The following PTPRE variants were observed in gnomAD, a reference collection of about 807,000 sequenced individuals.
The protein encoded by PTPRE is receptor-type tyrosine-protein phosphatase epsilon.
A neutral mutation model predicts 102.0 loss-of-function variants in PTPRE; 51 were observed. The observed-to-expected ratio is 0.50, with a 90% confidence interval of 0.40 to 0.63. PTPRE has a LOEUF of 0.63. Ranked by LOEUF, PTPRE falls within the 30% of genes least tolerant of loss-of-function variation. PTPRE has a pLI of 0.00. For missense variants in PTPRE, 752 were observed against 915.1 expected (o/e 0.82, Z 2.30); for synonymous variants, 345 against 348.2 (o/e 0.99, Z 0.10).
At chr10:127,977,478 A>G (rs1851268783) in intron 1 of PTPRE, among the ~76,000 whole-genome samples, 1 of 152,194 alleles carries the variant, frequency 6.6e-6, no homozygotes, top group Admixed American at 6.5e-5. Flanking sequence ...TACACAAGCC[A>G]CTCAGCAACC....
In PTPRE at chr10:128,032,005, G is replaced by A. The variant is rs192614885; in HGVS notation, c.-7-8870G>A. Among the ~76,000 whole-genome samples, 112 of 152,122 alleles carry A rather than the reference G, an allele frequency of 7.4e-4. No homozygotes were observed. The East Asian group carries it at 0.019, about 26-fold the overall frequency. On this transcript the variant is annotated intron_variant, in intron 2 of 20. Coordinates refer to ENST00000254667, the MANE Select transcript of PTPRE (RefSeq NM_006504.6). ...TTTGCTCCATATTTTTCATCTTAGA[G>A]CAATTGAAAATTAAACCTTTATTTT...
At chr10:127,915,955 C>T (rs1846174745) in intron 1 of PTPRE, among the ~76,000 whole-genome samples, 1 of 151,630 alleles carries the variant, frequency 6.6e-6, no homozygotes, top group Non-Finnish European at 1.5e-5. Flanking sequence ...CCAGGAGCAT[C>T]CGTACGTACA....
chr10:127,940,550 A>G (rs1848172261), intron 1 of PTPRE, among the ~76,000 whole-genome samples: 1 of 151,716 alleles, frequency 6.6e-6, no homozygotes, highest in East Asian at 1.9e-4. Flanking sequence ...CACCCAGCAC[A>G]TTCCTTCCTT....
chr10:128,047,187 A>G (rs867894850), intron 3 of PTPRE, among the ~76,000 whole-genome samples: 1 of 152,194 alleles, frequency 6.6e-6, no homozygotes, highest in Non-Finnish European at 1.5e-5. Context: ...CCCACTCCTC[A>G]GTCCCGGATT....
intron 11 of PTPRE, 96 bp from the exon 12 acceptor site, chr10:128,068,027 C>A: frequency 7.0e-7 from 1 of 1,419,140 alleles, no homozygotes; most frequent in South Asian, 1.3e-5. Context: ...GCAGCCCCAG[C>A]ACAGGGGAGC....
At chr10:128,058,436 T>C (rs1331807703) in intron 7 of PTPRE, among the ~76,000 whole-genome samples, 3 of 152,210 alleles carry the variant, frequency 2.0e-5, no homozygotes, top group Non-Finnish European at 2.9e-5. Flanking sequence ...CCCCTGCTCC[T>C]GGCAGGAGCA....
At chr10:128,038,709 T>C (rs1478776827) in intron 2 of PTPRE, among the ~76,000 whole-genome samples, 1 of 151,574 alleles carries the variant, frequency 6.6e-6, no homozygotes, top group Non-Finnish European at 1.5e-5. Flanking sequence ...CTAGTGTAAA[T>C]GACGAGTTAG....
In PTPRE at chr10:128,000,639, G is replaced by A. The variant is rs533875654; in HGVS notation, c.-8+18343G>A. 3.3e-5 allele frequency among the ~76,000 whole-genome samples: 5 copies of A among 152,268 alleles called. No individual in the cohort carries two copies. The East Asian group carries it at 7.7e-4, about 24-fold the overall frequency. ...ATATATTATAGCTCACCTATGAATT[G>A]GTTTTGATACTTATGATGAGAACAG... is the stretch of plus-strand genomic sequence containing the variant. On this transcript the variant is annotated intron_variant, in intron 2 of 20. Transcript: ENST00000254667.
intron 1 of PTPRE, among the ~76,000 whole-genome samples, chr10:127,931,800 T>A (rs904443260): frequency 2.6e-5 from 4 of 152,248 alleles, no homozygotes; most frequent in Non-Finnish European, 2.9e-5. Context: ...ATCATGCACA[T>A]TTTATTACTG....
At chr10:127,962,946 T>C (rs192782053) in intron 1 of PTPRE, among the ~76,000 whole-genome samples, 1 of 152,290 alleles carries the variant, frequency 6.6e-6, no homozygotes, top group Non-Finnish European at 1.5e-5. Flanking sequence ...CTGGGGGCTC[T>C]GGAGGTCCCA....
intron 1 of PTPRE, among the ~76,000 whole-genome samples, chr10:127,975,832 T>A (rs1851120506): frequency 6.6e-6 from 1 of 152,074 alleles, no homozygotes; most frequent in Non-Finnish European, 1.5e-5. Context: ...ACAGGCCTTG[T>A]TTTCGAGGAC....
intron 2 of PTPRE, among the ~76,000 whole-genome samples, chr10:127,988,013 G>A (rs1044891775): frequency 2.6e-5 from 4 of 152,228 alleles, no homozygotes; most frequent in African/African-American, 7.2e-5. Flanking sequence ...CTGCAGATGA[G>A]TGCCAACTGC....
At chr10:127,996,609 C>T (rs1351007993) in intron 2 of PTPRE, among the ~76,000 whole-genome samples, 2 of 152,214 alleles carry the variant, frequency 1.3e-5, no homozygotes, top group African/African-American at 4.8e-5. Context: ...AGCTAGTATG[C>T]CTCCCGGCAT....
At position 127,987,272 on chromosome 10, in the gene PTPRE, C is replaced by A. The variant is rs1193483532; in HGVS notation, c.-8+4976C>A. On this transcript the variant is annotated intron_variant, in intron 2 of 20. Coordinates refer to ENST00000254667, the MANE Select transcript of PTPRE (RefSeq NM_006504.6). ...TCCTATATAAACTCATGTCTCGTCA[C>A]CGTGTTCACAGCAGACCCAGTTCAA... The A allele has an allele frequency of 6.1e-6, 7 of 1,149,702 alleles. No homozygotes were observed. In the East Asian group the frequency reaches 3.0e-4, roughly 50 times the overall value. The allele number at this position is 1,149,702 out of a possible 1,614,324, so 71.2% of individuals were successfully genotyped here. A position where few individuals can be genotyped will look rare whatever the true frequency, so the allele number is the denominator to read the frequency against.
Position 128,070,956 on chromosome 10 carries a change from G to T in PTPRE, c.1387+55G>T, listed in dbSNP as rs757052085. ...GGCTGGGGCGGGGCTGGTGCCGGAG[G>T]CTTTCATCCTGGAGAAGCCATTGAC... On this transcript the variant is annotated intron_variant, in intron 15 of 20. Coordinates refer to ENST00000254667, the MANE Select transcript of PTPRE (RefSeq NM_006504.6). This position sits in a 1 kb window ranked among gnomAD's most constrained non-coding sequence, Gnocchi z 4.8. 14 of 1,542,122 alleles carry T rather than the reference G, an allele frequency of 9.1e-6. No individual in the cohort carries two copies. In the Admixed American group the frequency reaches 1.7e-4, roughly 19 times the overall value.
chr10:128,060,243 CCACA>C (rs144040285), intron 7 of PTPRE, among the ~76,000 whole-genome samples: 5,248 of 150,162 alleles, frequency 0.035, 107 homozygotes, highest in Non-Finnish European at 0.046. Context: ...ACATACACAA[CCACA>C]CACACCACAC....
intron 2 of PTPRE, among the ~76,000 whole-genome samples, chr10:128,005,639 G>C (rs556969389): frequency 6.6e-6 from 1 of 152,358 alleles, no homozygotes; most frequent in East Asian, 1.9e-4. Flanking sequence ...ACCTCTGGGC[G>C]TCCCCGAGCA....
rs114845417 is a variant in PTPRE, at chr10:128,047,466, C to T, written c.186C>T (p.Leu62=). 4,271 of 1,613,420 alleles carry T rather than the reference C, an allele frequency of 2.6e-3. 50 individuals are homozygous for T. The highest frequency in any genetic ancestry group is 0.026 in the African/African-American group (1,953 of 75,018). Residue 62 remains leucine (L), a synonymous_variant, in exon 4 of 21, where the codon CTC becomes CTT. Coordinates refer to ENST00000254667, the MANE Select transcript of PTPRE (RefSeq NM_006504.6). ...CGCTGCTGCTCCTCCTCCTCGTGCT[C>T]CTTCTCGCCGCCTACTTCTTCAGGT... The part of the protein sequence containing the change: ...LLPLLLLLLV[L]LLAAYFFRFR...
chr10:128,068,154 T>C lies in PTPRE; in HGVS notation c.875T>C (p.Leu292Pro), dbSNP rs1433918446. ...CCCGACGGCTGCAAAGCCCCCAGGC[T>C]GGTCTCACAGCTGCACTTCACCAGC... ...QLPDGCKAPRLVSQLHFTSWP... is the reference protein window; with the variant it reads ...QLPDGCKAPRPVSQLHFTSWP... Residue 292 changes from leucine to proline, a missense_variant, in exon 12 of 21, where the codon CTG becomes CCG. Transcript: ENST00000254667. 1 of 1,613,888 alleles carries C rather than the reference T, an allele frequency of 6.2e-7. No homozygotes were observed.
Sources: allele counts gnomAD v4.1 joint callset (sites outside exome capture counted in the v4.1 genomes callset), GRCh38; gene constraint gnomAD v4.1.1; non-coding constraint Gnocchi (gnomAD v3.1); transcripts MANE v1.5; gene names NCBI Gene and HGNC (gene_info 2026-07-23, HGNC 2026-07-21).